FMO1: variants seen among roughly 807,000 people sequenced by gnomAD.
FMO1 encodes the protein flavin-containing monooxygenase 1.
A neutral mutation model predicts 45.4 loss-of-function variants in FMO1; 36 were observed. That is an observed-to-expected ratio of 0.79 (90% CI 0.61 to 1.05). FMO1 has a LOEUF of 1.05. Among genes scored for constraint, FMO1 ranks in the 50% least tolerant of loss-of-function variants. The probability of loss-of-function intolerance (pLI) is 0.00; values close to 1 mark genes in which losing one functional copy is unlikely to be tolerated. For synonymous variants in FMO1, 228 were observed against 227.2 expected, an observed-to-expected ratio of 1.00 and a Z score of -0.03; for missense variants, 615 against 640.3, an observed-to-expected ratio of 0.96 and a Z score of 0.43.
At chr1:171,272,479 A>G (rs1217595614) in intron 3 of FMO1, among the ~76,000 whole-genome samples, 2 of 152,190 alleles carry the variant, frequency 1.3e-5, no homozygotes. Context: ...ATCCACTGTC[A>G]GCTTGCATGT....
chr1:171,285,362 T>C lies in FMO1; in HGVS notation c.1417T>C (p.Phe473Leu), dbSNP rs1201697588. ...VFFGPCSPYQ[F>L]RLTGPGKWEG... Reference sequence around the variant, plus strand: ...CTTTGGCCCATGCTCACCATACCAGTTCCGCTTGACTGGCCCAGGAAAATG... The same window carrying C: ...CTTTGGCCCATGCTCACCATACCAGCTCCGCTTGACTGGCCCAGGAAAATG... Residue 473 changes from phenylalanine to leucine, a missense_variant, in exon 9 of 9, where the codon TTC becomes CTC. Phe to Leu is a conservative substitution (Grantham distance 22, BLOSUM62 0). Coordinates refer to ENST00000617670, the MANE Select transcript of FMO1 (RefSeq NM_001282693.2). The C allele has an allele frequency of 3.1e-5, 50 of 1,613,874 alleles. No individual in the cohort carries two copies. The highest frequency in any genetic ancestry group is 4.2e-5 in the Non-Finnish European group (49 of 1,179,944).
At chr1:171,270,741 G>T in intron 3 of FMO1, 1 of 1,139,682 alleles carries the variant, frequency 8.8e-7, no homozygotes, top group East Asian at 5.8e-5. Context: ...ACTGCACCAG[G>T]CAAGGTTAGT....
intron 4 of FMO1, among the ~76,000 whole-genome samples, chr1:171,276,507 A>T (rs2101833268): frequency 6.6e-6 from 1 of 152,330 alleles, no homozygotes; most frequent in South Asian, 2.1e-4. Flanking sequence ...CTGCAGAGCA[A>T]GGCTCTGAGC....
chr1:171,256,212 G>C (rs1470206456), intron 1 of FMO1, among the ~76,000 whole-genome samples: 3 of 143,172 alleles, frequency 2.1e-5, no homozygotes, highest in Admixed American at 1.5e-4. Context: ...GGCAGAGCTT[G>C]CAGTGAGCCG....
Sources: allele counts gnomAD v4.1 joint callset (sites outside exome capture counted in the v4.1 genomes callset), GRCh38; gene constraint gnomAD v4.1.1; transcripts MANE v1.5; gene names NCBI Gene and HGNC (gene_info 2026-07-23, HGNC 2026-07-21).